The following APBA3 variants were observed in gnomAD, a reference collection of about 807,000 sequenced individuals.
APBA3 encodes the protein amyloid-beta A4 precursor protein-binding family A member 3.
Under a neutral mutation model 55.9 loss-of-function variants are expected in APBA3, and 45 were observed. The observed-to-expected ratio is 0.80, with a 90% CI of 0.63 to 1.03. The LOEUF (loss-of-function observed/expected upper bound fraction) is 1.03, where lower values mean the gene tolerates loss of function less well. Among genes scored for constraint, APBA3 ranks in the 50% least tolerant of loss-of-function variants. APBA3 has a pLI of 0.00. For synonymous variants in APBA3, 370 were observed against 353.3 expected (o/e 1.05, Z -0.53); for missense variants, 865 against 820.3 (o/e 1.05, Z -0.67).
chr19:3,760,447 C>T lies in APBA3; in HGVS notation c.-37-146G>A, dbSNP rs147826215. 1,849 of 576,850 alleles carry T rather than the reference C, an allele frequency of 3.2e-3. 26 individuals are homozygous for T. Among genetic ancestry groups the T allele is most frequent in the African/African-American group, 0.032 (1,640 of 52,046 alleles). The allele number at this position is 576,850 out of a possible 1,614,324, so 35.7% of individuals were successfully genotyped here. ...GCAACAGAGCAAGACCCTCTCTCTA[C>T]AAAAAATACAAAAAATTAAGGCCGG... On this transcript the variant is annotated intron_variant, in intron 1 of 10. Transcript: ENST00000316757.
intron 3 of APBA3, among the ~76,000 whole-genome samples, chr19:3,756,967 T>C (rs2037085418): frequency 6.6e-6 from 1 of 152,166 alleles, no homozygotes; most frequent in Non-Finnish European, 1.5e-5. Flanking sequence ...ATTCTGAGCA[T>C]TCTCATCAGC....
intron 3 of APBA3, 135 bp from the exon 4 acceptor site, chr19:3,754,475 C>G: frequency 1.6e-6 from 2 of 1,215,952 alleles, no homozygotes; most frequent in Non-Finnish European, 2.3e-6. Context: ...CCAGGAAGCA[C>G]AGCCCACTGT....
Position 3,759,719 on chromosome 19 carries a change from G to T in APBA3, c.546C>A (p.Val182=), listed in dbSNP as rs2037120734. 1.2e-6 allele frequency: 2 copies of T among 1,612,756 alleles called. No individual in the cohort carries two copies. ...PEPWLETVPL[V]TPEEPPAGAQ... Reference sequence around the variant, plus strand: ...CACCAGCGGGTGGCTCTTCAGGTGTGACTAGAGGCACCGTCTCCAGCCAGG... The same window carrying T: ...CACCAGCGGGTGGCTCTTCAGGTGTTACTAGAGGCACCGTCTCCAGCCAGG... Residue 182 remains valine (V), a synonymous_variant, in exon 2 of 11, where the codon GTC becomes GTA. Transcript: ENST00000316757.
chr19:3,754,553 C>A, intron 3 of APBA3: 1 of 586,174 alleles, frequency 1.7e-6, no homozygotes. Flanking sequence ...CAAGGACTCG[C>A]AGGTGGGAAA....
Position 3,753,007 on chromosome 19 carries a change from C to A in APBA3, c.1012-17G>T. On this transcript the variant is annotated splice_polypyrimidine_tract_variant and intron_variant, in intron 6 of 10. Coordinates refer to ENST00000316757, the MANE Select transcript of APBA3 (RefSeq NM_004886.4). ...GAGCTGGGCCTGCGGGGAGGAGTGG[C>A]GCGTCCCTGGGGTGTCCCACCCACC... 1 of 1,607,660 alleles carries A rather than the reference C, an allele frequency of 6.2e-7. No individual in the cohort carries two copies. Among genetic ancestry groups the A allele is most frequent in the Non-Finnish European group, 8.5e-7 (1 of 1,179,482 alleles).
intron 3 of APBA3, among the ~76,000 whole-genome samples, chr19:3,759,352 G>T (rs544076932): frequency 2.0e-5 from 3 of 152,324 alleles, no homozygotes; most frequent in Admixed American, 6.5e-5. Context: ...GCTGCCAATG[G>T]CCGGAGCTGC....
At position 3,752,666 on chromosome 19, in the gene APBA3, C is replaced by A; in HGVS notation, c.1237G>T (p.Gly413Cys). 4 of 1,591,890 alleles carry A rather than the reference C, an allele frequency of 2.5e-6. No homozygotes were observed. Among genetic ancestry groups the A allele is most frequent in the Non-Finnish European group, 3.4e-6 (4 of 1,174,840 alleles). Residue 413 changes from glycine (G) to cysteine (C), a missense_variant, in exon 8 of 11, where the codon GGC (glycine) becomes TGC (cysteine). Gly to Cys is a radical substitution (Grantham distance 159, BLOSUM62 -3). Transcript: ENST00000316757. ...GCTGTGGGCAGCAGGGAGCCCCAGC[C>A]CGACTCCACCAGGGCCACGCCCAGG... ...EGLGVALVES[G>C]WGSLLPTAVI...
chr19:3,754,668 C>T, intron 3 of APBA3: 1 of 269,674 alleles, frequency 3.7e-6, no homozygotes, highest in South Asian at 6.4e-5. Flanking sequence ...ACCAGACAGT[C>T]CCACTCCTGC....
At chr19:3,757,433 T>C (rs2037091038) in intron 3 of APBA3, among the ~76,000 whole-genome samples, 1 of 151,950 alleles carries the variant, frequency 6.6e-6, no homozygotes, top group African/African-American at 2.4e-5. Flanking sequence ...CCTATATCCT[T>C]AGCGAAGTGT....
chr19:3,759,483 T>C, intron 3 of APBA3, 78 bp downstream of exon 3: 1 of 1,396,328 alleles, frequency 7.2e-7, no homozygotes, highest in Non-Finnish European at 9.9e-7. Context: ...ACTGGCAAGC[T>C]GTTGCCAGGC....
intron 3 of APBA3, among the ~76,000 whole-genome samples, chr19:3,757,066 A>G (rs2037086125): frequency 6.6e-6 from 1 of 152,066 alleles, no homozygotes; most frequent in Non-Finnish European, 1.5e-5. Flanking sequence ...GAACCTTCTT[A>G]GAGCTATAGG....
At chr19:3,759,530 T>C in intron 3 of APBA3, 31 bp downstream of exon 3, 1 of 1,579,370 alleles carries the variant, frequency 6.3e-7, no homozygotes, top group Non-Finnish European at 8.6e-7. Flanking sequence ...GGGCCTTCAG[T>C]GCCTGAGGCT....
Position 3,754,330 on chromosome 19 carries a change from G to A in APBA3, c.627C>T (p.Pro209=). The A allele has an allele frequency of 6.4e-7, 1 of 1,558,448 alleles. No homozygotes were observed. The highest frequency in any genetic ancestry group is 8.7e-7 in the Non-Finnish European group (1 of 1,153,934). The change falls in exon 4 of 11, where the codon CCC becomes CCT. Residue 209 remains proline (P), a synonymous_variant. Coordinates refer to ENST00000316757, the MANE Select transcript of APBA3 (RefSeq NM_004886.4). ...CGTCCAGGAGGTCTTCATGGTCACA[G>A]GGACCAGGCACTGAGGGCGACAGCG... ...SYPAPQEVPG[P]CDHEDLLDGV... is the part of the protein sequence containing the mutation.
At chr19:3,751,401 C>T (rs1357575576) in intron 9 of APBA3, 33 bp downstream of exon 9, 3 of 1,515,162 alleles carry the variant, frequency 2.0e-6, no homozygotes, top group Non-Finnish European at 1.8e-6. Flanking sequence ...CCGCCCTACC[C>T]CCCCACCCCG....
chr19:3,752,466 C>G (rs1358434109), intron 8 of APBA3, 42 bp downstream of exon 8: 1 of 1,511,834 alleles, frequency 6.6e-7, no homozygotes, highest in East Asian at 2.4e-5. Context: ...CTCAGCTCCC[C>G]TTCCTGGGAG....
intron 3 of APBA3, chr19:3,756,657 A>C (rs956830335): frequency 6.6e-6 from 1 of 152,062 alleles, no homozygotes; most frequent in Non-Finnish European, 1.5e-5. Context: ...TGGGAGGCGG[A>C]GGTTGCGGTG....
chr19:3,761,148 G>C (rs937465407), intron 1 of APBA3, among the ~76,000 whole-genome samples: 2 of 152,022 alleles, frequency 1.3e-5, no homozygotes, highest in Admixed American at 1.3e-4. Flanking sequence ...TCAACTAATG[G>C]AGTCTGTTCA....
chr19:3,760,369 T>A, intron 1 of APBA3, 68 bp from the exon 2 acceptor site: 1 of 1,087,622 alleles, frequency 9.2e-7, no homozygotes, highest in Non-Finnish European at 1.3e-6. Context: ...AATCCCAGAA[T>A]TTTGGGAGGC....
In APBA3 at chr19:3,752,850, G is replaced by A. The variant is rs750900313; in HGVS notation, c.1152C>T (p.Asp384=). The change falls in exon 7 of 11, where the codon GAC becomes GAT. Residue 384 remains aspartate, a synonymous_variant. Transcript: ENST00000316757. Reference sequence around the variant, plus strand: ...GGCAGTTGTCACTGTTGGAGAAGTGGTCCAGGTCCCCATTATGGAGGTGGC... The same window carrying A: ...GGCAGTTGTCACTGTTGGAGAAGTGATCCAGGTCCCCATTATGGAGGTGGC... ...GACHLHNGDL[D]HFSNSDNCRE... is the part of the protein sequence containing the mutation. 3 of 1,613,372 alleles carry A rather than the reference G, an allele frequency of 1.9e-6. No individual in the cohort carries two copies. Among genetic ancestry groups the A allele is most frequent in the African/African-American group, 1.3e-5 (1 of 75,032 alleles).
Sources: gnomAD v4.1 joint callset for allele counts (sites outside exome capture counted in the v4.1 genomes callset) on GRCh38, gnomAD v4.1.1 for gene constraint, MANE v1.5 for transcripts, NCBI Gene and HGNC (gene_info 2026-07-23, HGNC 2026-07-21) for gene names.